The following MVD variants were observed in gnomAD, a reference collection of about 807,000 sequenced individuals.
The protein encoded by MVD is diphosphomevalonate decarboxylase.
A neutral mutation model predicts 42.4 loss-of-function variants in MVD; 52 were observed. The observed-to-expected ratio is 1.23, with a 90% CI of 0.98 to 1.55. MVD has a LOEUF of 1.55. Among genes scored for constraint, MVD ranks in the 40% most tolerant of loss-of-function variants. MVD has a pLI of 0.00. For missense variants in MVD, 663 were observed against 572.1 expected (o/e 1.16, Z -1.62); for synonymous variants, 287 against 243.2 (o/e 1.18, Z -1.68).
Position 88,657,505 on chromosome 16 carries a change from C to T in MVD, c.334G>A (p.Val112Met), listed in dbSNP as rs147252211. ...GTGGGGAAGTTGTTCACCGATGCCA[C>T]GTGCACCTTGCAGCTGAGGCTGGAG... ...LPSSLSCKVH[V>M]ASVNNFPTAA... Residue 112 changes from valine (V) to methionine (M), a missense_variant, in exon 4 of 10, where the codon GTG becomes ATG. Physicochemically the swap from Val to Met is conservative, Grantham distance 21. Transcript: ENST00000301012. The T allele has an allele frequency of 3.9e-5, 63 of 1,612,668 alleles. No homozygotes were observed. Among genetic ancestry groups the T allele is most frequent in the East Asian group, 2.9e-4 (13 of 44,888 alleles).
At position 88,656,119 on chromosome 16, in the gene MVD, C is replaced by A. The variant is rs763497822; in HGVS notation, c.589G>T (p.Val197Leu). The A allele has an allele frequency of 6.2e-7, 1 of 1,600,938 alleles. No homozygotes were observed. Among genetic ancestry groups the A allele is most frequent in the Admixed American group, 1.7e-5 (1 of 60,004 alleles). Reference protein sequence around the residue: ...APESHWPELRVLILVVSAEKK... With the variant: ...APESHWPELRLLILVVSAEKK... ...ACCCCACTCACCACAAGGATGAGCA[C>A]GCGGAGTTCAGGCCAGTGTGACTCG... The change falls in exon 5 of 10, where the codon GTG becomes TTG. Residue 197 changes from valine to leucine, a missense_variant. Val to Leu is a conservative substitution (Grantham distance 32). Transcript: ENST00000301012.
chr16:88,658,407 C>T (rs1022984050), intron 2 of MVD, among the ~76,000 whole-genome samples: 3 of 152,148 alleles, frequency 2.0e-5, no homozygotes, highest in African/African-American at 7.2e-5. Flanking sequence ...CCATCTCATC[C>T]TAGCCTTTAG....
Position 88,655,262 on chromosome 16 carries a change from A to C in MVD, c.834T>G (p.Asn278Lys). The C allele has an allele frequency of 6.3e-7, 1 of 1,590,004 alleles. No individual in the cohort carries two copies. The highest frequency in any genetic ancestry group is 1.7e-4 in the Middle Eastern group (1 of 6,036). ...GGTGGATGATGCGCCAGGAGATGGC[A>C]TTGAGGTAAGAGATGGGCGGGAAGG... ...LDTFPPISYL[N>K]AISWRIIHLV... is the part of the protein sequence containing the mutation. Residue 278 changes from asparagine (N) to lysine (K), a missense_variant, in exon 7 of 10, where the codon AAT becomes AAG. Coordinates refer to ENST00000301012, the MANE Select transcript of MVD (RefSeq NM_002461.3).
chr16:88,662,981 C>T (rs746134172), intron 1 of MVD, 30 bp downstream of exon 1: 1 of 1,584,226 alleles, frequency 6.3e-7, no homozygotes, highest in Non-Finnish European at 8.6e-7. Flanking sequence ...TCCCGGCCAT[C>T]CCCGTCCCAG....
chr16:88,656,370 C>T (rs1377916870), intron 4 of MVD, 66 bp from the exon 5 acceptor site: 7 of 1,542,972 alleles, frequency 4.5e-6, no homozygotes, highest in Admixed American at 1.7e-5. Context: ...GACAGCTCAC[C>T]GCCCCAGGAA....
chr16:88,655,801 C>T (rs1032909162), intron 5 of MVD, 71 bp from the exon 6 acceptor site: 8 of 1,510,204 alleles, frequency 5.3e-6, no homozygotes, highest in Non-Finnish European at 7.1e-6. Flanking sequence ...GCCTCAAACA[C>T]TCGGCCCTCC....
At chr16:88,659,647 C>T (rs1908164763) in intron 1 of MVD, among the ~76,000 whole-genome samples, 1 of 152,120 alleles carries the variant, frequency 6.6e-6, no homozygotes, top group Admixed American at 6.5e-5. Flanking sequence ...CTAGCAGGAC[C>T]AGGAAGGGCA....
intron 1 of MVD, among the ~76,000 whole-genome samples, chr16:88,660,005 G>C (rs1000078836): frequency 6.6e-6 from 1 of 150,654 alleles, no homozygotes; most frequent in Admixed American, 6.6e-5. Flanking sequence ...AAGAAAAAAA[G>C]AAACAGATCC....
chr16:88,657,231 C>T, intron 4 of MVD: 1 of 781,708 alleles, frequency 1.3e-6, no homozygotes, highest in Non-Finnish European at 2.2e-6. Context: ...CAGGCGAGAG[C>T]CCCACGCCAG....
intron 9 of MVD, among the ~76,000 whole-genome samples, chr16:88,652,885 G>A (rs558123508): frequency 1.6e-4 from 25 of 152,298 alleles, no homozygotes; most frequent in African/African-American, 5.8e-4. Flanking sequence ...GAGGAAGGTG[G>A]CGGCAATGGC....
chr16:88,655,272 G>C lies in MVD; in HGVS notation c.824C>G (p.Ser275Cys). 6.3e-7 allele frequency: 1 copy of C among 1,591,518 alleles called. No individual in the cohort carries two copies. The highest frequency in any genetic ancestry group is 8.6e-7 in the Non-Finnish European group (1 of 1,169,152). Residue 275 changes from serine to cysteine, a missense_variant, in exon 7 of 10, where the codon TCT becomes TGT. Transcript: ENST00000301012. ...GCGCCAGGAGATGGCATTGAGGTAAGAGATGGGCGGGAAGGTGTCGAGGCA... is the reference window on the plus strand; with the variant it reads ...GCGCCAGGAGATGGCATTGAGGTAACAGATGGGCGGGAAGGTGTCGAGGCA... ...ATCLDTFPPI[S>C]YLNAISWRII...
rs1205609636 is a variant in MVD at position 88,662,793 on chromosome 16, G to A, written c.70+218C>T. Reference sequence around the variant, plus strand: ...GGCGCCGGGCGACCCTGCAGGGGCGGCAGCCGTCGCGGGGGAACGGGTGGC... The same window carrying A: ...GGCGCCGGGCGACCCTGCAGGGGCGACAGCCGTCGCGGGGGAACGGGTGGC... On this transcript the variant is annotated intron_variant, in intron 1 of 9. Transcript: ENST00000301012. 6.3e-5 allele frequency: 93 copies of A among 1,474,504 alleles called. 4 individuals carry two copies. The Admixed American group carries it at 2.1e-3, about 33-fold the overall frequency. The allele number at this position is 1,474,504 out of a possible 1,614,324, so 91.3% of individuals were successfully genotyped here.
rs147270153 is a variant in MVD at position 88,662,641 on chromosome 16, T to C, written c.70+370A>G. The C allele has an allele frequency of 1.6e-3, 2,030 of 1,238,082 alleles. 31 individuals carry two copies. In the African/African-American group the frequency reaches 0.029, roughly 18 times the overall value. The allele number at this position is 1,238,082 out of a possible 1,614,324, so 76.7% of individuals were successfully genotyped here. On this transcript the variant is annotated intron_variant, in intron 1 of 9. Coordinates refer to ENST00000301012, the MANE Select transcript of MVD (RefSeq NM_002461.3). ...ACTGCAGCCTCGACCTCCCGGGCTC[T>C]GGCCATCCTCCCGCCTCAGCCTCCC... is the stretch of plus-strand genomic sequence containing the variant.
intron 8 of MVD, among the ~76,000 whole-genome samples, chr16:88,654,372 C>T (rs1907771783): frequency 6.6e-6 from 1 of 152,234 alleles, no homozygotes; most frequent in African/African-American, 2.4e-5. Context: ...TCTGGGAGTG[C>T]AGGCGTGTTT....
rs373274334 is a variant in MVD at position 88,653,330 on chromosome 16, G to A, written c.1092C>T (p.Pro364=). ...TGACAATGATGTATTTGACCCCACCGGGGGTCGGCTCCATGGCCAGCGCAG... is the reference window on the plus strand; with the variant it reads ...TGACAATGATGTATTTGACCCCACCAGGGGTCGGCTCCATGGCCAGCGCAG... ...LQAALAMEPT[P]GGVKYIIVTQ... The change falls in exon 9 of 10, where the codon CCC becomes CCT. Residue 364 remains proline, a synonymous_variant. Transcript: ENST00000301012. 1.0e-4 allele frequency: 164 copies of A among 1,600,306 alleles called. No homozygotes were observed. The highest frequency in any genetic ancestry group is 1.3e-4 in the Non-Finnish European group (148 of 1,176,364).
At chr16:88,655,454 G>A in intron 6 of MVD, 37 bp from the exon 7 acceptor site, 1 of 1,541,254 alleles carries the variant, frequency 6.5e-7, no homozygotes, top group South Asian at 1.2e-5. Flanking sequence ...GAGCCGCTGG[G>A]GGTCTCGACA....
At chr16:88,658,187 G>C (rs1257811138) in intron 2 of MVD, among the ~76,000 whole-genome samples, 158 bp from the exon 3 acceptor site, 1 of 152,204 alleles carries the variant, frequency 6.6e-6, no homozygotes, top group Non-Finnish European at 1.5e-5. Context: ...TGGGCAGTGG[G>C]GAAGCCCGTG....
At position 88,652,494 on chromosome 16, in the gene MVD, T is replaced by C. The variant is rs1188247075; in HGVS notation, c.*31A>G. Reference sequence around the variant, plus strand: ...CTAGCTCCGGCGAGGCCACCCCTTCTCCAAGCGGCATGCGGTCCCTGCTGA... The same window carrying C: ...CTAGCTCCGGCGAGGCCACCCCTTCCCCAAGCGGCATGCGGTCCCTGCTGA... On this transcript the variant is annotated 3_prime_UTR_variant, in exon 10 of 10. Transcript: ENST00000301012. 1.9e-6 allele frequency: 3 copies of C among 1,552,808 alleles called. No homozygotes were observed. In the South Asian group the frequency reaches 3.6e-5, roughly 18 times the overall value.
At chr16:88,656,382 G>A (rs1194235148) in intron 4 of MVD, 78 bp from the exon 5 acceptor site, 14 of 1,465,876 alleles carry the variant, frequency 9.6e-6, no homozygotes, top group Admixed American at 6.9e-5. Flanking sequence ...CCCCAGGAAC[G>A]TCCCACACCC....
Sources: gnomAD v4.1 joint callset for allele counts (sites outside exome capture counted in the v4.1 genomes callset) on GRCh38, gnomAD v4.1.1 for gene constraint, MANE v1.5 for transcripts, NCBI Gene and HGNC (gene_info 2026-07-23, HGNC 2026-07-21) for gene names.